CCDC25: variants seen among roughly 807,000 people sequenced by gnomAD.
The protein encoded by CCDC25 is coiled-coil domain containing 25, also known as coiled-coil domain-containing protein 25.
In CCDC25, 16 loss-of-function variants were observed where a neutral mutation model predicts 35.3. That is an observed-to-expected ratio of 0.45 (90% CI 0.31 to 0.69). The LOEUF (loss-of-function observed/expected upper bound fraction) is 0.69, where lower values mean the gene tolerates loss of function less well. Ranked by LOEUF, CCDC25 falls within the 30% of genes least tolerant of loss-of-function variation. The probability of loss-of-function intolerance (pLI) is 0.06; values close to 1 mark genes in which losing one functional copy is unlikely to be tolerated. For synonymous variants in CCDC25, 79 were observed against 80.3 expected, an observed-to-expected ratio of 0.98 and a Z score of 0.09; for missense variants, 179 against 250.7, an observed-to-expected ratio of 0.71 and a Z score of 1.93.
intron 1 of CCDC25, among the ~76,000 whole-genome samples, chr8:27,766,010 A>G (rs1804388303): frequency 6.6e-6 from 1 of 152,234 alleles, no homozygotes; most frequent in Admixed American, 6.5e-5. Flanking sequence ...CCTAGAAATG[A>G]TATTTGCTTT....
At chr8:27,757,341 G>A (rs1804046109) in intron 3 of CCDC25, among the ~76,000 whole-genome samples, 1 of 152,150 alleles carries the variant, frequency 6.6e-6, no homozygotes, top group Non-Finnish European at 1.5e-5. Flanking sequence ...GTTAGGTGGG[G>A]CCTAAAGACG....
chr8:27,759,250 A>T (rs1804126762), intron 3 of CCDC25, among the ~76,000 whole-genome samples: 1 of 152,210 alleles, frequency 6.6e-6, no homozygotes, highest in South Asian at 2.1e-4. Context: ...GTCTGTGGAA[A>T]TACTAATCAT....
chr8:27,749,751 T>A (rs987864373), intron 5 of CCDC25, among the ~76,000 whole-genome samples: 1 of 152,146 alleles, frequency 6.6e-6, no homozygotes, highest in African/African-American at 2.4e-5. Flanking sequence ...CAGTATTCTA[T>A]CCATGTTAAA....
intron 4 of CCDC25, among the ~76,000 whole-genome samples, chr8:27,753,503 G>A (rs1167928532): frequency 1.3e-5 from 2 of 152,136 alleles, no homozygotes; most frequent in East Asian, 1.9e-4. Flanking sequence ...TTGAGCCCAG[G>A]CGTTCAAGAC....
At chr8:27,739,810 G>T (rs1803373682) in intron 8 of CCDC25, among the ~76,000 whole-genome samples, 1 of 152,122 alleles carries the variant, frequency 6.6e-6, no homozygotes, top group Non-Finnish European at 1.5e-5. Context: ...TCCATTTTCT[G>T]CAGACTGCTC....
intron 3 of CCDC25, 101 bp from the exon 4 acceptor site, chr8:27,756,871 A>G: frequency 1.3e-6 from 1 of 799,960 alleles, no homozygotes; most frequent in Non-Finnish European, 2.2e-6. Context: ...TCTTCACTCC[A>G]TGCCTGCCAC....
At chr8:27,744,946 T>C (rs1803556519) in intron 7 of CCDC25, among the ~76,000 whole-genome samples, 1 of 152,228 alleles carries the variant, frequency 6.6e-6, no homozygotes. Context: ...CTTGTACTTC[T>C]CTCATTCCAA....
Position 27,734,129 on chromosome 8 carries a change from CTG to C in CCDC25, c.*2085_*2086del, listed in dbSNP as rs2128933794. On this transcript the variant is annotated 3_prime_UTR_variant, in exon 9 of 9. Transcript: ENST00000356537. Reference sequence around the variant, plus strand: ...TGCCTTTCAATAAACTTCTCAACATCTGTGTTGGTAAACTTCTCAATATTTGT... The same window carrying C: ...TGCCTTTCAATAAACTTCTCAACATCTGTTGGTAAACTTCTCAATATTTGT... 6.6e-6 allele frequency: 1 copy of C among 152,352 alleles called. No homozygotes were observed. Among genetic ancestry groups the C allele is most frequent in the South Asian group, 2.1e-4 (1 of 4,830 alleles). The allele number at this position is 152,352 out of a possible 1,614,324, so 9.4% of individuals were successfully genotyped here.
chr8:27,755,084 T>G (rs139943648), intron 4 of CCDC25, among the ~76,000 whole-genome samples: 60 of 152,274 alleles, frequency 3.9e-4, no homozygotes, highest in Middle Eastern at 6.8e-3. Flanking sequence ...TACATGCACA[T>G]GAACAGCCAA....
At chr8:27,758,911 C>T (rs1804113107) in intron 3 of CCDC25, among the ~76,000 whole-genome samples, 1 of 152,144 alleles carries the variant, frequency 6.6e-6, no homozygotes, top group East Asian at 1.9e-4. Context: ...TCAATATACA[C>T]CAATTTCAGG....
intron 5 of CCDC25, among the ~76,000 whole-genome samples, chr8:27,750,983 C>A (rs1803781520): frequency 6.6e-6 from 1 of 152,202 alleles, no homozygotes; most frequent in Admixed American, 6.5e-5. Context: ...GGCACATAAT[C>A]TTCTACTGAC....
At chr8:27,771,656 T>G (rs1264926252) in intron 1 of CCDC25, among the ~76,000 whole-genome samples, 3 of 152,072 alleles carry the variant, frequency 2.0e-5, no homozygotes, top group Admixed American at 6.6e-5. Flanking sequence ...GGACTTACAC[T>G]CTAGCTCAAG....
At chr8:27,760,611 G>A in intron 3 of CCDC25, among the ~76,000 whole-genome samples, 1 of 152,096 alleles carries the variant, frequency 6.6e-6, no homozygotes, top group East Asian at 1.9e-4. Context: ...CTAGGTACTG[G>A]GGACATAGTA....
chr8:27,736,730 T>C (rs896543414), intron 8 of CCDC25, among the ~76,000 whole-genome samples: 4 of 152,214 alleles, frequency 2.6e-5, no homozygotes, highest in African/African-American at 9.6e-5. Context: ...TCTTTTTTAA[T>C]AGGAAAGGCC....
intron 3 of CCDC25, among the ~76,000 whole-genome samples, chr8:27,757,396 A>G (rs1804048207): frequency 6.6e-6 from 1 of 152,058 alleles, no homozygotes; most frequent in Non-Finnish European, 1.5e-5. Flanking sequence ...CAATAATGTA[A>G]CCCAATAATT....
In CCDC25 at chr8:27,748,170, C is replaced by T. The variant is rs202197146; in HGVS notation, c.458G>A (p.Arg153His). Residue 153 changes from arginine to histidine, a missense_variant, in exon 7 of 9, where the codon CGT becomes CAT. By Grantham distance (29) the Arg-to-His change is conservative (BLOSUM62 0). Transcript: ENST00000356537. The stretch of plus-strand genomic sequence containing the variant: ...GGCTTTTTTCTCATTCCTCTCTTCA[C>T]GATCTCTGCATTCTTTCTCTGCTGC... The part of the protein sequence containing the change: ...DLAAEKECRD[R>H]EERNEKKAQI... 9.9e-6 allele frequency: 16 copies of T among 1,613,674 alleles called. No homozygotes were observed. Among genetic ancestry groups the T allele is most frequent in the Middle Eastern group, 1.7e-4 (1 of 6,048 alleles).
At position 27,735,265 on chromosome 8, in the gene CCDC25, C is replaced by T. The variant is rs1434327222; in HGVS notation, c.*951G>A. ...TGGAAACACTAGCCTTTTGGTTTTGCCCACAGTTCCAAAGTGCTATTACAG... is the reference window on the plus strand; with the variant it reads ...TGGAAACACTAGCCTTTTGGTTTTGTCCACAGTTCCAAAGTGCTATTACAG... On this transcript the variant is annotated 3_prime_UTR_variant, in exon 9 of 9. Transcript: ENST00000356537. 6.6e-6 allele frequency: 1 copy of T among 152,538 alleles called. No homozygotes were observed. The highest frequency in any genetic ancestry group is 1.5e-5 in the Non-Finnish European group (1 of 68,040). 9.4% of individuals were successfully genotyped at this position (152,538 alleles called of 1,614,324 possible). A position where few individuals can be genotyped will look rare whatever the true frequency, so the allele number is the denominator to read the frequency against.
At chr8:27,762,026 G>C (rs1024368959) in intron 3 of CCDC25, among the ~76,000 whole-genome samples, 1 of 152,160 alleles carries the variant, frequency 6.6e-6, no homozygotes, top group Non-Finnish European at 1.5e-5. Flanking sequence ...CTTTAAAGCT[G>C]GACCAGTAAG....
At chr8:27,750,013 A>T (rs1021991865) in intron 5 of CCDC25, among the ~76,000 whole-genome samples, 1 of 152,198 alleles carries the variant, frequency 6.6e-6, no homozygotes, top group South Asian at 2.1e-4. Context: ...TCAAAATAAA[A>T]TTTCTTTAGA....
Sources: allele counts gnomAD v4.1 joint callset (sites outside exome capture counted in the v4.1 genomes callset), GRCh38; gene constraint gnomAD v4.1.1; transcripts MANE v1.5; gene names NCBI Gene and HGNC (gene_info 2026-07-23, HGNC 2026-07-21).